CRACD: variants seen among roughly 807,000 people sequenced by gnomAD.
CRACD encodes capping protein-inhibiting regulator of actin dynamics.
CRACD carries 56 observed loss-of-function variants against 106.8 expected under a neutral mutation model. The observed-to-expected ratio is 0.52, with a 90% CI of 0.42 to 0.66. The LOEUF is 0.66. Ranked by LOEUF, CRACD falls within the 30% of genes least tolerant of loss-of-function variation. The pLI is 0.00. For synonymous variants in CRACD, 754 were observed against 670.8 expected (o/e 1.12, Z -1.92); for missense variants, 1,730 against 1,623.2 (o/e 1.07, Z -1.13).
chr4:56,296,441 C>T (rs1306335446), intron 3 of CRACD, among the ~76,000 whole-genome samples: 1 of 152,082 alleles, frequency 6.6e-6, no homozygotes, highest in Non-Finnish European at 1.5e-5. Context: ...AAACCTCGCA[C>T]ACTTTTACAC....
At chr4:56,269,562 CTT>C (rs56162079) in intron 2 of CRACD, among the ~76,000 whole-genome samples, 40,781 of 111,242 alleles carry the variant, frequency 0.37, 6,491 homozygotes, top group African/African-American at 0.47. Context: ...AGGTGCCACA[CTT>C]TTTTTTTTTT....
At chr4:56,325,796 C>G (rs1746404416) in intron 10 of CRACD, among the ~76,000 whole-genome samples, 2 of 152,184 alleles carry the variant, frequency 1.3e-5, no homozygotes, top group African/African-American at 4.8e-5. Context: ...TCTCTAGACC[C>G]AGGCTTTTCT....
At chr4:56,244,179 G>C (rs1740538948) in intron 2 of CRACD, among the ~76,000 whole-genome samples, 1 of 152,140 alleles carries the variant, frequency 6.6e-6, no homozygotes, top group South Asian at 2.1e-4. Flanking sequence ...GTGTGAAACA[G>C]GGAGTAGCCC....
chr4:56,250,710 C>T (rs568284325), intron 2 of CRACD, among the ~76,000 whole-genome samples: 1 of 152,294 alleles, frequency 6.6e-6, no homozygotes, highest in Admixed American at 6.5e-5. Context: ...CATCTCAGCT[C>T]TCTGAGCTTC....
intron 2 of CRACD, among the ~76,000 whole-genome samples, chr4:56,252,222 T>C (rs1741095711): frequency 6.6e-6 from 1 of 152,100 alleles, no homozygotes; most frequent in Non-Finnish European, 1.5e-5. Context: ...TTACATACCC[T>C]CAAGGAAAAA....
At chr4:56,158,410 C>G (rs1735834271) in intron 1 of CRACD, among the ~76,000 whole-genome samples, 2 of 151,890 alleles carry the variant, frequency 1.3e-5, no homozygotes, top group East Asian at 1.9e-4. Context: ...AATAATTCCT[C>G]TAAAGGAAAG....
intron 1 of CRACD, among the ~76,000 whole-genome samples, chr4:56,150,157 G>C (rs1735534366): frequency 6.6e-6 from 1 of 152,142 alleles, no homozygotes; most frequent in African/African-American, 2.4e-5. Context: ...GTTACATTTG[G>C]AAGCTCTGAA....
chr4:56,097,014 A>C (rs928158901), intron 1 of CRACD, among the ~76,000 whole-genome samples: 2 of 151,960 alleles, frequency 1.3e-5, no homozygotes, highest in African/African-American at 4.8e-5. Context: ...ATGTAGAAGA[A>C]TTGGGTAGAA....
chr4:56,265,697 T>A (rs533666197), intron 2 of CRACD, among the ~76,000 whole-genome samples: 66 of 152,246 alleles, frequency 4.3e-4, no homozygotes, highest in African/African-American at 1.6e-3. Context: ...ACAAACAGAT[T>A]TAATTTTATT....
intron 1 of CRACD, among the ~76,000 whole-genome samples, chr4:56,112,419 A>G (rs897938961): frequency 2.0e-5 from 3 of 152,188 alleles, no homozygotes; most frequent in Non-Finnish European, 4.4e-5. Flanking sequence ...AGAGAGGTGG[A>G]AACCCCCAGA....
chr4:56,323,698 C>A, intron 9 of CRACD, 131 bp downstream of exon 9: 2 of 862,776 alleles, frequency 2.3e-6, no homozygotes, highest in Non-Finnish European at 1.7e-6. Context: ...AGTAAATAAA[C>A]TGACCACCAT....
intron 2 of CRACD, among the ~76,000 whole-genome samples, chr4:56,257,625 G>A (rs893608859): frequency 3.3e-5 from 5 of 152,216 alleles, no homozygotes; most frequent in African/African-American, 1.2e-4. Flanking sequence ...AGCTCAGGAG[G>A]TCAAGGTTGC....
At chr4:56,201,060 T>G (rs1310600657) in intron 2 of CRACD, among the ~76,000 whole-genome samples, 1 of 152,250 alleles carries the variant, frequency 6.6e-6, no homozygotes, top group African/African-American at 2.4e-5. Flanking sequence ...TGGTGCATTT[T>G]ATTTCAGCTT....
chr4:56,147,218 C>T (rs1735418303), intron 1 of CRACD, among the ~76,000 whole-genome samples: 1 of 152,132 alleles, frequency 6.6e-6, no homozygotes, highest in African/African-American at 2.4e-5. Context: ...TAAGCGAGCA[C>T]TGTTCATGGA....
At chr4:56,303,591 G>A (rs537320110) in intron 4 of CRACD, among the ~76,000 whole-genome samples, 2 of 152,354 alleles carry the variant, frequency 1.3e-5, no homozygotes, top group Admixed American at 6.5e-5. Context: ...TGTCAAACAG[G>A]TGTGAGCAGT....
intron 1 of CRACD, among the ~76,000 whole-genome samples, chr4:56,070,568 T>A (rs1732610794): frequency 6.6e-6 from 1 of 152,118 alleles, no homozygotes; most frequent in South Asian, 2.1e-4. Context: ...ATTACAGGCG[T>A]GAGCCACCTT....
At chr4:56,232,700 C>CTTTATTTATTTATTTATTTA (rs71666123) in intron 2 of CRACD, among the ~76,000 whole-genome samples, 54 of 141,640 alleles carry the variant, frequency 3.8e-4, no homozygotes, top group South Asian at 4.7e-4. Context: ...AAACATGTAT[C>CTTTATTTATTTATTTATTTA]TTTATTTATT....
chr4:56,116,611 G>A (rs1734291750), intron 1 of CRACD, among the ~76,000 whole-genome samples: 1 of 152,166 alleles, frequency 6.6e-6, no homozygotes, highest in Non-Finnish European at 1.5e-5. Flanking sequence ...TCTTTTTAAA[G>A]CCTCCTTATT....
At chr4:56,082,009 C>T (rs1404533884) in intron 1 of CRACD, among the ~76,000 whole-genome samples, 1 of 151,948 alleles carries the variant, frequency 6.6e-6, no homozygotes, top group African/African-American at 2.4e-5. Flanking sequence ...TTTCAAGGTG[C>T]TTACATTCTT....
Sources: allele counts gnomAD v4.1 joint callset (sites outside exome capture counted in the v4.1 genomes callset), GRCh38; gene constraint gnomAD v4.1.1; transcripts MANE v1.5; gene names NCBI Gene and HGNC (gene_info 2026-07-23, HGNC 2026-07-21).